The following SETD2 variants were observed in gnomAD, a reference collection of about 807,000 sequenced individuals.
The protein encoded by SETD2 is histone-lysine N-methyltransferase SETD2.
In SETD2, 31 loss-of-function variants were observed where a neutral mutation model predicts 242.1. That is an observed-to-expected ratio of 0.13 (90% CI 0.10 to 0.17). The LOEUF (loss-of-function observed/expected upper bound fraction) is 0.17, where lower values mean the gene tolerates loss of function less well. SETD2 is among the 10% of genes least tolerant of loss of function. The probability of loss-of-function intolerance (pLI) is 1.00; values close to 1 mark genes in which losing one functional copy is unlikely to be tolerated. For missense variants in SETD2, 2,481 were observed against 3,046.3 expected (o/e 0.81, Z 4.37); for synonymous variants, 1,006 against 1,066.5 (o/e 0.94, Z 1.11).
At chr3:47,019,022 G>GC (rs2038101455) in intron 19 of SETD2, among the ~76,000 whole-genome samples, 1 of 152,214 alleles carries the variant, frequency 6.6e-6, no homozygotes, top group African/African-American at 2.4e-5. Flanking sequence ...CTTATTTACA[G>GC]GTCTGTTTCT....
At chr3:47,040,469 G>C (rs1468141800) in intron 17 of SETD2, among the ~76,000 whole-genome samples, 1 of 150,464 alleles carries the variant, frequency 6.6e-6, no homozygotes, top group Non-Finnish European at 1.5e-5. Flanking sequence ...ACCAACAATC[G>C]AATGAAGACA....
At chr3:47,026,935 C>T (rs1048218101) in intron 18 of SETD2, among the ~76,000 whole-genome samples, 1 of 151,798 alleles carries the variant, frequency 6.6e-6, no homozygotes, top group African/African-American at 2.4e-5. Context: ...TGCACATGTA[C>T]CCCAGAACTT....
At chr3:47,150,028 C>CTTTTTTTTTTTT (rs71098457) in intron 1 of SETD2, among the ~76,000 whole-genome samples, 19 of 92,446 alleles carry the variant, frequency 2.1e-4, no homozygotes, top group African/African-American at 3.5e-4. Context: ...TCCAAAAATA[C>CTTTTTTTTTTTT]TTTTTTTTTT....
rs535540244 is a variant in SETD2 at position 47,123,401 on chromosome 3, C to A, written c.1235G>T (p.Gly412Val). 36 of 1,551,616 alleles carry A rather than the reference C, an allele frequency of 2.3e-5. No individual in the cohort carries two copies. The South Asian group carries it at 4.2e-4, about 18-fold the overall frequency. ...GGAATAGGATAAATTAGTTCTAGAG[C>A]CTCTCTCAGACCTAGAGTGAGATCT... ...RSRSHSRSER[G>V]SRTNLSYSRS... The change falls in exon 3 of 21, where the codon GGC becomes GTC. Residue 412 changes from glycine to valine, a missense_variant. Physicochemically the swap from Gly to Val is moderately radical, Grantham distance 109. Transcript: ENST00000409792.
intron 18 of SETD2, among the ~76,000 whole-genome samples, chr3:47,023,176 G>C (rs1033485539): frequency 6.6e-6 from 1 of 152,092 alleles, no homozygotes; most frequent in African/African-American, 2.4e-5. Flanking sequence ...TGAGGCGGGT[G>C]GATCATGAGG....
At chr3:47,150,028 CTTTT>C (rs71098457) in intron 1 of SETD2, among the ~76,000 whole-genome samples, 33 of 92,430 alleles carry the variant, frequency 3.6e-4, no homozygotes, top group Middle Eastern at 7.4e-3. Context: ...TCCAAAAATA[CTTTT>C]TTTTTTTTTT....
At position 47,089,554 on chromosome 3, in the gene SETD2, A is replaced by G. The variant is rs79800979; in HGVS notation, c.5143-1307T>C. On this transcript the variant is annotated intron_variant, in intron 9 of 20. Coordinates refer to ENST00000409792, the MANE Select transcript of SETD2 (RefSeq NM_014159.7). ...AAGGATTTTATAATTATGCTTTGTA[A>G]CATATATATTCTTTAAGTATTTTAA... Among the ~76,000 whole-genome samples the G allele has an allele frequency of 7.3e-3, 1,107 of 152,334 alleles. 16 individuals carry two copies. The highest frequency in any genetic ancestry group is 0.025 in the African/African-American group (1,049 of 41,568).
chr3:47,027,023 A>C (rs1402129990), intron 18 of SETD2, among the ~76,000 whole-genome samples: 1 of 152,130 alleles, frequency 6.6e-6, no homozygotes. Context: ...TCATTTACAT[A>C]AAATGCCCAC....
Position 47,017,350 on chromosome 3 carries a change from G to C in SETD2, c.7534-96C>G. 1 of 1,353,890 alleles carries C rather than the reference G, an allele frequency of 7.4e-7. No homozygotes were observed. Among genetic ancestry groups the C allele is most frequent in the Non-Finnish European group, 1.0e-6 (1 of 977,566 alleles). 83.9% of individuals were successfully genotyped at this position (1,353,890 alleles called of 1,614,324 possible). A position where few individuals can be genotyped will look rare whatever the true frequency, so the allele number is the denominator to read the frequency against. On this transcript the variant is annotated intron_variant, in intron 20 of 20. Transcript: ENST00000409792. This position sits in a 1 kb window ranked among gnomAD's most constrained non-coding sequence, Gnocchi z 4.8. ...GGTGGTAATCCAGCCTGCTGCTTCAGGGCCCTTCTCACCAAGACAGGAAGT... is the reference window on the plus strand; with the variant it reads ...GGTGGTAATCCAGCCTGCTGCTTCACGGCCCTTCTCACCAAGACAGGAAGT...
chr3:47,133,791 C>T (rs200184951), intron 1 of SETD2, among the ~76,000 whole-genome samples: 2 of 152,018 alleles, frequency 1.3e-5, no homozygotes, highest in East Asian at 3.9e-4. Context: ...AAAACATTAC[C>T]TCAAATCTTC....
intron 9 of SETD2, among the ~76,000 whole-genome samples, chr3:47,090,157 G>C (rs2041736447): frequency 6.6e-6 from 1 of 152,082 alleles, no homozygotes; most frequent in Admixed American, 6.5e-5. Context: ...TGAGGCAGGA[G>C]AATAGCTTGA....
intron 1 of SETD2, among the ~76,000 whole-genome samples, chr3:47,150,348 C>T (rs542825265): frequency 5.3e-5 from 8 of 151,968 alleles, no homozygotes; most frequent in Non-Finnish European, 7.4e-5. Flanking sequence ...TCAAAAATAT[C>T]GTTTGATTTA....
chr3:47,071,590 G>C (rs1173346006), intron 12 of SETD2, among the ~76,000 whole-genome samples: 2 of 151,768 alleles, frequency 1.3e-5, no homozygotes, highest in African/African-American at 4.8e-5. Flanking sequence ...CAGGAAACAG[G>C]CTAAAGCAAA....
chr3:47,098,917 C>T (rs1390682893), intron 8 of SETD2, among the ~76,000 whole-genome samples: 1 of 152,102 alleles, frequency 6.6e-6, no homozygotes, highest in Non-Finnish European at 1.5e-5. Flanking sequence ...AATTCCCAAA[C>T]AGCACTTGAT....
intron 18 of SETD2, among the ~76,000 whole-genome samples, chr3:47,027,183 A>T (rs549926088): frequency 7.9e-5 from 12 of 151,934 alleles, no homozygotes; most frequent in South Asian, 2.1e-4. Flanking sequence ...AAAAATATTT[A>T]AAAAATTAGC....
chr3:47,043,194 A>G (rs954224007), intron 16 of SETD2, among the ~76,000 whole-genome samples: 35 of 152,282 alleles, frequency 2.3e-4, no homozygotes, highest in Non-Finnish European at 4.1e-4. Context: ...TCACTTATGG[A>G]CTGATTTTTG....
Position 47,087,716 on chromosome 3 carries a change from C to T in SETD2, c.5277+397G>A, listed in dbSNP as rs146902148. On this transcript the variant is annotated intron_variant, in intron 10 of 20. Transcript: ENST00000409792. ...CCATGGTGGCTCACGCCTGTAATCC[C>T]AGCATTCTGGGAGGCTGAGACGGGT... Among the ~76,000 whole-genome samples, 333 of 152,320 alleles carry T rather than the reference C, an allele frequency of 2.2e-3. 1 individual carries two copies. Among genetic ancestry groups the T allele is most frequent in the African/African-American group, 7.4e-3 (308 of 41,576 alleles).
intron 12 of SETD2, among the ~76,000 whole-genome samples, 181 bp downstream of exon 12, chr3:47,083,539 A>G (rs946655218): frequency 2.6e-5 from 4 of 152,224 alleles, no homozygotes; most frequent in South Asian, 4.1e-4. Flanking sequence ...TAGTTTGGCT[A>G]ATATGACTCT....
intron 9 of SETD2, among the ~76,000 whole-genome samples, chr3:47,092,262 C>G (rs2041836538): frequency 1.3e-5 from 2 of 152,094 alleles, no homozygotes; most frequent in African/African-American, 4.8e-5. Context: ...TACAGCTTCC[C>G]TAATTTTGGG....
Sources: gnomAD v4.1 joint callset for allele counts (sites outside exome capture counted in the v4.1 genomes callset) on GRCh38, gnomAD v4.1.1 for gene constraint, Gnocchi (gnomAD v3.1) non-coding constraint, MANE v1.5 for transcripts, NCBI Gene and HGNC (gene_info 2026-07-23, HGNC 2026-07-21) for gene names.